Variants in CXCL13 observed in about 807,000 individuals in gnomAD.
The protein encoded by CXCL13 is C-X-C motif chemokine 13.
CXCL13 carries 7 observed loss-of-function variants against 12.2 expected under a neutral mutation model. That is an observed-to-expected ratio of 0.57 (90% CI 0.33 to 1.07). CXCL13 has a LOEUF of 1.07. Among genes scored for constraint, CXCL13 ranks in the 50% least tolerant of loss-of-function variants. The pLI, the probability that CXCL13 is intolerant of heterozygous loss-of-function variation, is 0.04. For missense variants in CXCL13, 113 were observed against 127.4 expected, an observed-to-expected ratio of 0.89 and a Z score of 0.55; for synonymous variants, 47 against 42.4, an observed-to-expected ratio of 1.11 and a Z score of -0.42.
At chr4:77,529,163 G>A (rs1236527202) in intron 1 of CXCL13, among the ~76,000 whole-genome samples, 1 of 152,172 alleles carries the variant, frequency 6.6e-6, no homozygotes, top group Non-Finnish European at 1.5e-5. Flanking sequence ...ATAGTACCAT[G>A]CTGTTTTGGT....
chr4:77,555,316 T>G (rs1266748326), intron 1 of CXCL13, among the ~76,000 whole-genome samples: 2 of 151,950 alleles, frequency 1.3e-5, no homozygotes, highest in African/African-American at 4.8e-5. Context: ...AATGGGCAAA[T>G]TTATTGAAAG....
chr4:77,585,849 C>T (rs903517143), intron 1 of CXCL13, among the ~76,000 whole-genome samples: 2 of 151,146 alleles, frequency 1.3e-5, no homozygotes, highest in African/African-American at 4.9e-5. Flanking sequence ...CAGGCCTCAT[C>T]ATGAGGGATG....
intron 1 of CXCL13, among the ~76,000 whole-genome samples, chr4:77,585,077 T>C (rs946542150): frequency 1.1e-4 from 17 of 152,136 alleles, no homozygotes; most frequent in African/African-American, 3.4e-4. Flanking sequence ...TTTCCTGAAG[T>C]AGAGCTCCAA....
intron 1 of CXCL13, among the ~76,000 whole-genome samples, chr4:77,546,541 G>C (rs940241941): frequency 2.6e-5 from 4 of 152,200 alleles, no homozygotes; most frequent in African/African-American, 9.6e-5. Context: ...GTGTAGAGTT[G>C]TGTATAGTAT....
At chr4:77,540,797 A>G (rs1307825799) in intron 1 of CXCL13, among the ~76,000 whole-genome samples, 1 of 152,170 alleles carries the variant, frequency 6.6e-6, no homozygotes, top group African/African-American at 2.4e-5. Flanking sequence ...GCTGGGTCAA[A>G]CAGTAGTTCC....
chr4:77,573,852 A>T (rs1215940947), intron 1 of CXCL13, among the ~76,000 whole-genome samples: 2 of 151,724 alleles, frequency 1.3e-5, no homozygotes, highest in Admixed American at 6.6e-5. Context: ...ATAGCTTCTG[A>T]TTTCCTGACT....
rs189770015 is a variant in CXCL13 at position 77,531,983 on chromosome 4, G to A, written c.-43+20195G>A. ...TTTCCTGAATACAGCACACTGACGC[G>A]TCTTGACTCTTTATCCAATTTGCCA... is the stretch of plus-strand genomic sequence containing the variant. On this transcript the variant is annotated intron_variant, in intron 1 of 4. Coordinates refer to the CXCL13 transcript ENST00000286758. Among the ~76,000 whole-genome samples the A allele has an allele frequency of 1.1e-3, 165 of 152,232 alleles. 1 individual carries two copies. The highest frequency in any genetic ancestry group is 3.8e-3 in the African/African-American group (159 of 41,540).
At chr4:77,547,623 G>A (rs552834020) in intron 1 of CXCL13, among the ~76,000 whole-genome samples, 43 of 152,000 alleles carry the variant, frequency 2.8e-4, no homozygotes, top group South Asian at 1.9e-3. Context: ...GAGCTTATGT[G>A]TGTCTGTGCA....
At chr4:77,582,116 G>A (rs355683) in intron 1 of CXCL13, among the ~76,000 whole-genome samples, 1 of 151,816 alleles carries the variant, frequency 6.6e-6, no homozygotes, top group Non-Finnish European at 1.5e-5. Flanking sequence ...TTAAAAAGTC[G>A]GTGGAAAGTG....
chr4:77,564,592 C>T (rs112923993), intron 1 of CXCL13, among the ~76,000 whole-genome samples: 2 of 152,184 alleles, frequency 1.3e-5, no homozygotes, highest in African/African-American at 4.8e-5. Context: ...CTGACAACAA[C>T]CCTTTAAGGC....
chr4:77,531,136 T>C (rs1369494805), intron 1 of CXCL13, among the ~76,000 whole-genome samples: 1 of 147,584 alleles, frequency 6.8e-6, no homozygotes, highest in Non-Finnish European at 1.5e-5. Flanking sequence ...TTATTATCAT[T>C]ATTATACTTT....
intron 1 of CXCL13, among the ~76,000 whole-genome samples, chr4:77,586,553 G>T (rs1726467864): frequency 6.6e-6 from 1 of 152,190 alleles, no homozygotes; most frequent in Admixed American, 6.5e-5. Context: ...ACGAGGACAA[G>T]TAAGAGCAAG....
intron 1 of CXCL13, among the ~76,000 whole-genome samples, chr4:77,592,110 A>C (rs1439162092): frequency 1.3e-5 from 2 of 152,224 alleles, no homozygotes; most frequent in Non-Finnish European, 2.9e-5. Flanking sequence ...ATTTGAAGTC[A>C]GTATGTCAAA....
intron 1 of CXCL13, among the ~76,000 whole-genome samples, chr4:77,589,970 C>T (rs540393295): frequency 6.6e-6 from 1 of 152,238 alleles, no homozygotes; most frequent in East Asian, 1.9e-4. Context: ...ATACATTCCC[C>T]ATATTCGCAT....
chr4:77,515,729 G>C (rs1398107842), intron 1 of CXCL13, among the ~76,000 whole-genome samples: 3 of 152,136 alleles, frequency 2.0e-5, no homozygotes, highest in Admixed American at 2.0e-4. Flanking sequence ...GGATTTTCTA[G>C]ATATACCATC....
At chr4:77,547,256 C>G (rs2109804719) in intron 1 of CXCL13, among the ~76,000 whole-genome samples, 1 of 152,324 alleles carries the variant, frequency 6.6e-6, no homozygotes, top group East Asian at 1.9e-4. Flanking sequence ...CTGCTTGGTG[C>G]AGAGCTGAGT....
At chr4:77,607,971 G>T in intron 2 of CXCL13, 136 bp downstream of exon 2, 1 of 890,176 alleles carries the variant, frequency 1.1e-6, no homozygotes, top group Non-Finnish European at 1.7e-6. Flanking sequence ...AACTAATAAT[G>T]AAAATTGTTA....
upstream of CXCL13, among the ~76,000 whole-genome samples, chr4:77,604,444 C>T (rs1726956380): frequency 6.6e-6 from 1 of 152,022 alleles, no homozygotes; most frequent in South Asian, 2.1e-4. Flanking sequence ...GCACACCCTG[C>T]CTTCATATAT....
At chr4:77,544,452 G>C (rs1297993670) in intron 1 of CXCL13, among the ~76,000 whole-genome samples, 5 of 152,182 alleles carry the variant, frequency 3.3e-5, no homozygotes, top group African/African-American at 1.2e-4. Flanking sequence ...ACTGGTGTGA[G>C]ATGGTATCTC....
Sources: allele counts gnomAD v4.1 joint callset (sites outside exome capture counted in the v4.1 genomes callset), GRCh38; gene constraint gnomAD v4.1.1; transcripts MANE v1.5; gene names NCBI Gene and HGNC (gene_info 2026-07-23, HGNC 2026-07-21).